NAALADL2: variants seen among roughly 807,000 people sequenced by gnomAD.
The protein encoded by NAALADL2 is inactive N-acetylated-alpha-linked acidic dipeptidase-like protein 2.
A neutral mutation model predicts 87.2 loss-of-function variants in NAALADL2; 76 were observed. The ratio of observed to expected loss-of-function variants is 0.87; its 90% CI spans 0.72 to 1.05. The LOEUF (loss-of-function observed/expected upper bound fraction) is 1.05, where lower values mean the gene tolerates loss of function less well. Among genes scored for constraint, NAALADL2 ranks in the 50% least tolerant of loss-of-function variants. The pLI, the probability that NAALADL2 is intolerant of heterozygous loss-of-function variation, is 0.00. For synonymous variants in NAALADL2, 354 were observed against 331.0 expected, an observed-to-expected ratio of 1.07 and a Z score of -0.75; for missense variants, 1,089 against 945.8, an observed-to-expected ratio of 1.15 and a Z score of -1.99.
chr3:175,406,649 A>G (rs1440026634), intron 5 of NAALADL2, among the ~76,000 whole-genome samples: 1 of 152,184 alleles, frequency 6.6e-6, no homozygotes, highest in Non-Finnish European at 1.5e-5. Context: ...AATACTACTT[A>G]TTACATAAAT....
chr3:175,687,941 C>A (rs1043230270), intron 11 of NAALADL2, among the ~76,000 whole-genome samples: 5 of 152,184 alleles, frequency 3.3e-5, no homozygotes, highest in African/African-American at 7.2e-5. Context: ...TGGGATCACA[C>A]TTCTTGTACA....
intron 5 of NAALADL2, among the ~76,000 whole-genome samples, chr3:175,428,238 A>G (rs1007354715): frequency 3.9e-5 from 6 of 152,102 alleles, no homozygotes; most frequent in African/African-American, 1.4e-4. Context: ...AGTGTTCACT[A>G]CTGTACCTTT....
At chr3:174,818,846 G>A in intron 3 of NAALADL2, among the ~76,000 whole-genome samples, 1 of 152,024 alleles carries the variant, frequency 6.6e-6, no homozygotes. Context: ...CAGGGGGAAA[G>A]GGAGGGAGTG....
intron 3 of NAALADL2, among the ~76,000 whole-genome samples, chr3:174,853,443 C>CT (rs1302784985): frequency 2.0e-5 from 3 of 147,590 alleles, no homozygotes; most frequent in Admixed American, 2.0e-4. Flanking sequence ...AAAAAGAAAA[C>CT]TTTGGAAAAT....
intron 10 of NAALADL2, among the ~76,000 whole-genome samples, chr3:175,621,136 C>A (rs898606606): frequency 6.6e-6 from 1 of 152,182 alleles, no homozygotes; most frequent in African/African-American, 2.4e-5. Context: ...ACCGGCAGCT[C>A]GGTTTTCCGG....
chr3:175,697,266 G>A lies in NAALADL2; in HGVS notation c.1897-40040G>A, dbSNP rs147936273. ...TAGGAGCAGTAGAATACTAATAGATGTGATTCTTCTCATGCCTTAGGGGAG... is the reference window on the plus strand; with the variant it reads ...TAGGAGCAGTAGAATACTAATAGATATGATTCTTCTCATGCCTTAGGGGAG... On this transcript the variant is annotated intron_variant, in intron 11 of 13. Transcript: ENST00000454872. Among the ~76,000 whole-genome samples the A allele has an allele frequency of 6.3e-3, 957 of 152,120 alleles. 9 individuals carry two copies. The highest frequency in any genetic ancestry group is 0.022 in the African/African-American group (903 of 41,502).
intron 1 of NAALADL2, among the ~76,000 whole-genome samples, chr3:175,077,697 T>C (rs111986873): frequency 0.032 from 4,827 of 152,260 alleles, 243 homozygotes; most frequent in African/African-American, 0.11. Flanking sequence ...TATTTACTAA[T>C]AGAGGCAGCT....
At chr3:174,687,290 A>G (rs1252439668) in intron 2 of NAALADL2, among the ~76,000 whole-genome samples, 1 of 152,116 alleles carries the variant, frequency 6.6e-6, no homozygotes, top group Non-Finnish European at 1.5e-5. Flanking sequence ...TTCTTCAGGT[A>G]TCTATGCTTC....
At chr3:175,607,024 T>A (rs1468716196) in intron 10 of NAALADL2, among the ~76,000 whole-genome samples, 2 of 152,208 alleles carry the variant, frequency 1.3e-5, no homozygotes, top group African/African-American at 4.8e-5. Context: ...GCTATTGAAC[T>A]GCAGCTCATT....
intron 3 of NAALADL2, among the ~76,000 whole-genome samples, chr3:175,250,114 A>G (rs1748761039): frequency 6.6e-6 from 1 of 151,528 alleles, no homozygotes; most frequent in Non-Finnish European, 1.5e-5. Flanking sequence ...GGTTGCCGTT[A>G]GTCAAGATCG....
At chr3:174,845,644 T>C (rs923739318) in intron 3 of NAALADL2, among the ~76,000 whole-genome samples, 6 of 152,142 alleles carry the variant, frequency 3.9e-5, no homozygotes, top group Admixed American at 2.6e-4. Flanking sequence ...GGAGCTTATT[T>C]TGATGGGGCA....
chr3:174,660,462 A>G (rs1325210378), intron 2 of NAALADL2, among the ~76,000 whole-genome samples: 2 of 152,194 alleles, frequency 1.3e-5, no homozygotes, highest in East Asian at 1.9e-4. Context: ...ACCAAGCTAT[A>G]AAGTGATTTG....
intron 9 of NAALADL2, among the ~76,000 whole-genome samples, chr3:175,510,695 C>T (rs1276550371): frequency 6.6e-6 from 1 of 152,118 alleles, no homozygotes; most frequent in East Asian, 1.9e-4. Context: ...TTCAAGGACA[C>T]ACAGGAAGAC....
In NAALADL2 at chr3:175,809,195, A is replaced by AT. The variant is rs534864320; in HGVS notation, c.*5997dup. On this transcript the variant is annotated 3_prime_UTR_variant, in exon 14 of 14. Coordinates refer to ENST00000454872, the MANE Select transcript of NAALADL2 (RefSeq NM_207015.3). ...TTGATAAGAAATACACAAACAAAATATTTTTCTATGCTATTGCAAATTGTC... is the reference window on the plus strand; with the variant it reads ...TTGATAAGAAATACACAAACAAAATATTTTTTCTATGCTATTGCAAATTGTC... The AT allele has an allele frequency of 4.8e-4, 73 of 152,094 alleles. No homozygotes were observed. In the East Asian group the frequency reaches 0.013, roughly 27 times the overall value. 9.4% of individuals were successfully genotyped at this position (152,094 alleles called of 1,614,324 possible). A position where few individuals can be genotyped will look rare whatever the true frequency, so the allele number is the denominator to read the frequency against.
intron 4 of NAALADL2, among the ~76,000 whole-genome samples, chr3:175,305,649 A>C (rs999661579): frequency 6.6e-6 from 1 of 151,848 alleles, no homozygotes; most frequent in South Asian, 2.1e-4. Context: ...CAGCCTCCCG[A>C]GTAGCTGGGA....
chr3:174,908,267 C>T (rs1039863558), intron 1 of NAALADL2, among the ~76,000 whole-genome samples: 1 of 152,006 alleles, frequency 6.6e-6, no homozygotes, highest in Non-Finnish European at 1.5e-5. Flanking sequence ...AAATAAATTT[C>T]ACCATGTCTT....
chr3:175,342,755 GTTTC>G, intron 5 of NAALADL2, among the ~76,000 whole-genome samples: 1 of 152,076 alleles, frequency 6.6e-6, no homozygotes, highest in African/African-American at 2.4e-5. Flanking sequence ...TTCCTTTTAT[GTTTC>G]TTTGTTTCTG....
At position 174,451,843 on chromosome 3, in the gene NAALADL2, G is replaced by GTTTTTTTT. The variant is rs764587503; in HGVS notation, c.-184+10833_-184+10840dup. ...TAATGTAGTGCTAAGGATAGTGGGA[G>GTTTTTTTT]TTTTTTTTTTTTTTTTTTTTTTTTT... On this transcript the variant is annotated intron_variant, in intron 1 of 3. Transcript: ENST00000434257. Among the ~76,000 whole-genome samples the GTTTTTTTT allele has an allele frequency of 5.6e-4, 55 of 98,090 alleles. 4 individuals are homozygous for GTTTTTTTT. In the East Asian group the frequency reaches 0.01, roughly 18 times the overall value. 64.4% of individuals were successfully genotyped at this position (98,090 alleles called of 152,430 possible). A position where few individuals can be genotyped will look rare whatever the true frequency, so the allele number is the denominator to read the frequency against.
intron 3 of NAALADL2, among the ~76,000 whole-genome samples, chr3:174,854,289 A>C (rs1199108375): frequency 1.3e-5 from 2 of 152,214 alleles, no homozygotes; most frequent in African/African-American, 4.8e-5. Context: ...CAGAAAGATA[A>C]ATATTGCATG....
Sources: gnomAD v4.1 joint callset for allele counts (sites outside exome capture counted in the v4.1 genomes callset) on GRCh38, gnomAD v4.1.1 for gene constraint, MANE v1.5 for transcripts, NCBI Gene and HGNC (gene_info 2026-07-23, HGNC 2026-07-21) for gene names.